CNTN4: variants seen among roughly 807,000 people sequenced by gnomAD.
CNTN4 encodes contactin 4, also known as contactin-4.
In CNTN4, 77 loss-of-function variants were observed where a neutral mutation model predicts 122.5. The ratio of observed to expected loss-of-function variants is 0.63; its 90% CI spans 0.52 to 0.76. The LOEUF (loss-of-function observed/expected upper bound fraction) is 0.76, where lower values mean the gene tolerates loss of function less well. Ranked by LOEUF, CNTN4 falls within the 30% of genes least tolerant of loss-of-function variation. The pLI is 0.00. For missense variants in CNTN4, 1,256 were observed against 1,259.1 expected (o/e 1.00, Z 0.04); for synonymous variants, 512 against 447.0 (o/e 1.15, Z -1.83).
intron 3 of CNTN4, among the ~76,000 whole-genome samples, chr3:2,438,931 T>C (rs2151267414): frequency 6.6e-6 from 1 of 152,240 alleles, no homozygotes; most frequent in East Asian, 1.9e-4. Context: ...TTCTACTTTT[T>C]AGAGAGAAAG....
At chr3:2,657,234 G>A (rs746558615) in intron 4 of CNTN4, among the ~76,000 whole-genome samples, 2 of 152,106 alleles carry the variant, frequency 1.3e-5, no homozygotes, top group Non-Finnish European at 2.9e-5. Flanking sequence ...CTCTAGCTTC[G>A]AGGCACTTAT....
intron 6 of CNTN4, among the ~76,000 whole-genome samples, chr3:2,757,003 T>G (rs1264388331): frequency 1.3e-5 from 2 of 152,176 alleles, no homozygotes; most frequent in East Asian, 1.9e-4. Context: ...CCTGACCACT[T>G]TGATCAATTT....
intron 2 of CNTN4, among the ~76,000 whole-genome samples, chr3:2,152,988 C>T (rs2035562028): frequency 6.6e-6 from 1 of 152,118 alleles, no homozygotes; most frequent in African/African-American, 2.4e-5. Flanking sequence ...GCCCATGGAG[C>T]CTGCTTTAGA....
chr3:2,848,224 G>A (rs2093488418), intron 7 of CNTN4, among the ~76,000 whole-genome samples: 1 of 152,104 alleles, frequency 6.6e-6, no homozygotes, highest in African/African-American at 2.4e-5. Context: ...GGGCAACAGA[G>A]TGAGACCCTG....
intron 13 of CNTN4, among the ~76,000 whole-genome samples, chr3:2,933,309 T>C (rs2094540915): frequency 6.6e-6 from 1 of 152,132 alleles, no homozygotes; most frequent in African/African-American, 2.4e-5. Context: ...CAGGGTGAGA[T>C]TCAACGGAAT....
At chr3:2,144,203 G>A (rs2035136906) in intron 2 of CNTN4, 1 of 152,214 alleles carries the variant, frequency 6.6e-6, no homozygotes, top group Non-Finnish European at 1.5e-5. Flanking sequence ...CACAATTTTA[G>A]TGTGGCCTGT....
chr3:2,206,764 G>C (rs2038364202), intron 2 of CNTN4, among the ~76,000 whole-genome samples: 1 of 151,980 alleles, frequency 6.6e-6, no homozygotes, highest in Non-Finnish European at 1.5e-5. Flanking sequence ...TACTGTGAAG[G>C]AATTTTCTTT....
chr3:2,840,775 T>G (rs1045982505), intron 7 of CNTN4, among the ~76,000 whole-genome samples: 2 of 152,002 alleles, frequency 1.3e-5, no homozygotes, highest in Non-Finnish European at 2.9e-5. Context: ...CTCCCAATTT[T>G]TAAGCGAGAC....
intron 7 of CNTN4, among the ~76,000 whole-genome samples, chr3:2,822,485 A>C (rs552687900): frequency 1.0e-3 from 155 of 152,340 alleles, no homozygotes; most frequent in African/African-American, 3.7e-3. Context: ...ACATATATTT[A>C]GATTCAGGTG....
At chr3:2,774,966 G>A (rs2091258198) in intron 6 of CNTN4, among the ~76,000 whole-genome samples, 2 of 152,306 alleles carry the variant, frequency 1.3e-5, no homozygotes, top group East Asian at 1.9e-4. Context: ...TTGGAAGCAC[G>A]GACAGCGATT....
chr3:2,755,455 G>T (rs1250259841), intron 6 of CNTN4, among the ~76,000 whole-genome samples: 2 of 152,088 alleles, frequency 1.3e-5, no homozygotes, highest in African/African-American at 4.8e-5. Context: ...ACTTTTATTG[G>T]AATAGGTAGA....
chr3:2,456,723 A>G (rs765131797), intron 3 of CNTN4, among the ~76,000 whole-genome samples: 33 of 152,134 alleles, frequency 2.2e-4, no homozygotes, highest in Admixed American at 2.0e-3. Context: ...TGTACAAATA[A>G]TATTCCACTG....
intron 2 of CNTN4, among the ~76,000 whole-genome samples, chr3:2,130,533 A>T (rs1176894225): frequency 6.6e-6 from 1 of 152,192 alleles, no homozygotes; most frequent in African/African-American, 2.4e-5. Context: ...CCTTAACTAG[A>T]AGTAGGATAT....
intron 2 of CNTN4, among the ~76,000 whole-genome samples, chr3:2,286,070 C>T (rs1337437768): frequency 6.6e-6 from 1 of 151,858 alleles, no homozygotes; most frequent in African/African-American, 2.4e-5. Flanking sequence ...CAGTTAGGTA[C>T]ATCCTTGCTG....
chr3:2,820,222 C>T lies in CNTN4; in HGVS notation c.454+641C>T, dbSNP rs914002880. The stretch of plus-strand genomic sequence containing the variant: ...CTAACTGGCTATAAAGTGGGACTCC[C>T]ATAACTCCCTCCTTGGCTTCCATAA... On this transcript the variant is annotated intron_variant, in intron 7 of 24. Coordinates refer to ENST00000418658, the MANE Select transcript of CNTN4 (RefSeq NM_175607.3). 4.0e-4 allele frequency among the ~76,000 whole-genome samples: 61 copies of T among 152,284 alleles called. 1 individual carries two copies. The highest frequency in any genetic ancestry group is 7.3e-5 in the Non-Finnish European group (5 of 68,028).
intron 3 of CNTN4, among the ~76,000 whole-genome samples, chr3:2,394,170 T>G (rs992183057): frequency 2.0e-5 from 3 of 152,178 alleles, no homozygotes; most frequent in African/African-American, 7.2e-5. Context: ...GGAAGTTGTT[T>G]TTTTTTTAAT....
At chr3:2,330,615 G>C (rs1009417652) in intron 2 of CNTN4, among the ~76,000 whole-genome samples, 4 of 30,584 alleles carry the variant, frequency 1.3e-4, no homozygotes, top group African/African-American at 2.0e-4. Flanking sequence ...TATAAGGGAG[G>C]CATTTATAAG....
In CNTN4 at chr3:2,177,179, A is replaced by G. The variant is rs114144803; in HGVS notation, c.-145+76540A>G. 8.2e-3 allele frequency among the ~76,000 whole-genome samples: 1,242 copies of G among 152,266 alleles called. 6 individuals are homozygous for G. The highest frequency in any genetic ancestry group is 0.013 in the Non-Finnish European group (853 of 68,000). ...TTTAAAGCAAGAATTGCTAAAACCA[A>G]GTGTTTTCTCAAAAGAGCTCTTAAG... On this transcript the variant is annotated intron_variant, in intron 2 of 24. Coordinates refer to ENST00000418658, the MANE Select transcript of CNTN4 (RefSeq NM_175607.3).
Position 2,870,349 on chromosome 3 carries a change from G to A in CNTN4, c.652+3400G>A, listed in dbSNP as rs568092809. On this transcript the variant is annotated intron_variant, in intron 8 of 24. Transcript: ENST00000418658. ...CCACTCATTCTTAATTTCCATGAGT[G>A]TTGCATGGTGAAAATTCATGTCTTT... Among the ~76,000 whole-genome samples, 14 of 152,312 alleles carry A rather than the reference G, an allele frequency of 9.2e-5. No homozygotes were observed. The East Asian group carries it at 2.7e-3, about 29-fold the overall frequency.
Sources: gnomAD v4.1 joint callset for allele counts (sites outside exome capture counted in the v4.1 genomes callset) on GRCh38, gnomAD v4.1.1 for gene constraint, MANE v1.5 for transcripts, NCBI Gene and HGNC (gene_info 2026-07-23, HGNC 2026-07-21) for gene names.